The following SH3BGRL2 variants were observed in gnomAD, a reference collection of about 807,000 sequenced individuals.
SH3BGRL2 encodes SH3 domain-binding glutamic acid-rich-like protein 2.
A neutral mutation model predicts 14.8 loss-of-function variants in SH3BGRL2; 21 were observed. The observed-to-expected ratio is 1.42, with a 90% CI of 1.01 to 2.05. The LOEUF (loss-of-function observed/expected upper bound fraction) is 2.05. Among genes scored for constraint, SH3BGRL2 ranks in the 30% most tolerant of loss-of-function variants. The pLI, the probability that SH3BGRL2 is intolerant of heterozygous loss-of-function variation, is 0.00. For synonymous variants in SH3BGRL2, 50 were observed against 47.8 expected, an observed-to-expected ratio of 1.05 and a Z score of -0.19; for missense variants, 147 against 130.8, an observed-to-expected ratio of 1.12 and a Z score of -0.61.
chr6:79,664,674 T>G, intron 1 of SH3BGRL2, among the ~76,000 whole-genome samples: 1 of 152,224 alleles, frequency 6.6e-6, no homozygotes, highest in Non-Finnish European at 1.5e-5. Context: ...TTCCCATTCA[T>G]CAGTCATATA....
intron 2 of SH3BGRL2, among the ~76,000 whole-genome samples, chr6:79,683,591 G>A (rs1364423458): frequency 6.6e-6 from 1 of 152,052 alleles, no homozygotes; most frequent in East Asian, 1.9e-4. Flanking sequence ...TGGGACTACA[G>A]GCGCATGCCA....
intron 1 of SH3BGRL2, among the ~76,000 whole-genome samples, chr6:79,658,973 A>G (rs979955928): frequency 6.6e-6 from 1 of 152,056 alleles, no homozygotes; most frequent in East Asian, 1.9e-4. Context: ...TCCTTTGCCC[A>G]CTTTTTGATG....
At chr6:79,562,135 G>A in the SH3BGRL2 span, among the ~76,000 whole-genome samples, 5 of 152,196 alleles carry the variant, frequency 3.3e-5, no homozygotes, top group South Asian at 1.0e-3. Flanking sequence ...TAGAGTTTCT[G>A]TACCTTCTCA....
At chr6:79,655,120 G>A (rs1471195579) in intron 1 of SH3BGRL2, among the ~76,000 whole-genome samples, 1 of 152,144 alleles carries the variant, frequency 6.6e-6, no homozygotes, top group African/African-American at 2.4e-5. Context: ...GAATGCAGTA[G>A]TGCAATACCT....
At chr6:79,613,674 C>T in the SH3BGRL2 span, among the ~76,000 whole-genome samples, 21 of 152,102 alleles carry the variant, frequency 1.4e-4, no homozygotes, top group African/African-American at 2.7e-4. Flanking sequence ...GCAGTGCATT[C>T]GGCTCACTGC....
chr6:79,581,421 C>T, the SH3BGRL2 span, among the ~76,000 whole-genome samples: 1 of 152,208 alleles, frequency 6.6e-6, no homozygotes, highest in Non-Finnish European at 1.5e-5. Flanking sequence ...TCCAGCAGCA[C>T]TTCAAAAAGC....
the SH3BGRL2 span, among the ~76,000 whole-genome samples, chr6:79,550,515 A>T: frequency 6.6e-6 from 1 of 152,162 alleles, no homozygotes; most frequent in South Asian, 2.1e-4. Context: ...CACCACAGAG[A>T]TTAAAACGAA....
chr6:79,543,100 T>C, the SH3BGRL2 span, among the ~76,000 whole-genome samples: 1 of 152,242 alleles, frequency 6.6e-6, no homozygotes, highest in Non-Finnish European at 1.5e-5. Context: ...ATCAGATTTG[T>C]CTAATAGAAA....
chr6:79,633,876 G>T (rs1380193846), intron 1 of SH3BGRL2, among the ~76,000 whole-genome samples: 1 of 152,146 alleles, frequency 6.6e-6, no homozygotes, highest in East Asian at 1.9e-4. Context: ...TCTTGGGCTG[G>T]CGAGGCTAAT....
the SH3BGRL2 span, among the ~76,000 whole-genome samples, chr6:79,598,205 T>C: frequency 6.6e-6 from 1 of 152,176 alleles, no homozygotes; most frequent in South Asian, 2.1e-4. Flanking sequence ...AGGTTAAACA[T>C]AGAGTCACGA....
the SH3BGRL2 span, among the ~76,000 whole-genome samples, chr6:79,546,000 C>G: frequency 6.6e-6 from 1 of 151,848 alleles, no homozygotes; most frequent in South Asian, 2.1e-4. Flanking sequence ...GTAAAATTTC[C>G]TTACATTTAA....
chr6:79,618,913 T>TGAAAAAAAAAAAAAAAAAAA, the SH3BGRL2 span, among the ~76,000 whole-genome samples: 1 of 7,068 alleles, frequency 1.4e-4, no homozygotes, highest in African/African-American at 5.6e-4. Flanking sequence ...TGAGACTCTG[T>TGAAAAAAAAAAAAAAAAAAA]CAAAAAAAAA....
chr6:79,703,221 C>T lies in SH3BGRL2; in HGVS notation c.*3712C>T, dbSNP rs369820588. The T allele has an allele frequency of 6.6e-6, 1 of 152,242 alleles. No individual in the cohort carries two copies. 9.4% of individuals were successfully genotyped at this position (152,242 alleles called of 1,614,324 possible). On this transcript the variant is annotated 3_prime_UTR_variant, in exon 4 of 4. Transcript: ENST00000369838. ...CAGAGCAGGGCAATATCTCTACTCT[C>T]AAGTATGAGGGGAATAGAAACAAAG...
the SH3BGRL2 span, among the ~76,000 whole-genome samples, chr6:79,610,811 CAG>C: frequency 6.6e-6 from 1 of 152,232 alleles, no homozygotes; most frequent in Non-Finnish European, 1.5e-5. Flanking sequence ...CCTGGCTGCA[CAG>C]TCCCCATCCT....
At chr6:79,564,166 AT>A in the SH3BGRL2 span, among the ~76,000 whole-genome samples, 1 of 151,574 alleles carries the variant, frequency 6.6e-6, no homozygotes, top group South Asian at 2.1e-4. Context: ...AACAAAAAAT[AT>A]ATCTAACGAC....
chr6:79,565,939 G>A, the SH3BGRL2 span, among the ~76,000 whole-genome samples: 10 of 152,200 alleles, frequency 6.6e-5, no homozygotes, highest in Admixed American at 1.3e-4. Context: ...TATTACTGGT[G>A]CTTTTTCCTG....
At chr6:79,683,957 G>A (rs1447535946) in intron 2 of SH3BGRL2, among the ~76,000 whole-genome samples, 2 of 152,220 alleles carry the variant, frequency 1.3e-5, no homozygotes, top group Admixed American at 1.3e-4. Context: ...TTTGACCTAC[G>A]TTGTAGGGTA....
At chr6:79,621,795 A>T in the SH3BGRL2 span, among the ~76,000 whole-genome samples, 1 of 152,144 alleles carries the variant, frequency 6.6e-6, no homozygotes, top group Non-Finnish European at 1.5e-5. Context: ...GCAGATGGCC[A>T]TGTGACCCAG....
chr6:79,655,534 C>A (rs1476825078), intron 1 of SH3BGRL2, among the ~76,000 whole-genome samples: 1 of 152,026 alleles, frequency 6.6e-6, no homozygotes, highest in Non-Finnish European at 1.5e-5. Flanking sequence ...AATTTAAGAA[C>A]ATTTTATTAC....
Sources: gnomAD v4.1 joint callset for allele counts (sites outside exome capture counted in the v4.1 genomes callset) on GRCh38, gnomAD v4.1.1 for gene constraint, MANE v1.5 for transcripts, NCBI Gene and HGNC (gene_info 2026-07-23, HGNC 2026-07-21) for gene names.